PDE4D: variants seen among roughly 807,000 people sequenced by gnomAD.
PDE4D encodes the protein 3',5'-cyclic-AMP phosphodiesterase 4D.
In PDE4D, 24 loss-of-function variants were observed where a neutral mutation model predicts 87.4. The observed-to-expected ratio is 0.27, with a 90% confidence interval of 0.20 to 0.39. The LOEUF (loss-of-function observed/expected upper bound fraction) is 0.39. Among genes scored for constraint, PDE4D ranks in the 10% least tolerant of loss-of-function variants. The pLI is 1.00. For missense variants in PDE4D, 714 were observed against 1,041.0 expected, an observed-to-expected ratio of 0.69 and a Z score of 4.32; for synonymous variants, 384 against 383.2, an observed-to-expected ratio of 1.00 and a Z score of -0.02.
At chr5:59,766,954 TC>T in intron 1 of PDE4D, among the ~76,000 whole-genome samples, 1 of 152,220 alleles carries the variant, frequency 6.6e-6, no homozygotes, top group East Asian at 1.9e-4. Flanking sequence ...AATAACACTT[TC>T]CCAGTCAGAG....
At chr5:60,207,976 G>T (rs535962664) in intron 1 of PDE4D, among the ~76,000 whole-genome samples, 1 of 152,298 alleles carries the variant, frequency 6.6e-6, no homozygotes, top group East Asian at 1.9e-4. Context: ...AGAAATAAAT[G>T]TATCGGGCTT....
intron 1 of PDE4D, among the ~76,000 whole-genome samples, chr5:60,295,791 G>T (rs530887827): frequency 6.6e-6 from 1 of 152,304 alleles, no homozygotes; most frequent in South Asian, 2.1e-4. Context: ...GCTGCAGACT[G>T]ACTTGCTTGG....
At chr5:59,108,495 G>A (rs1228337576) in intron 5 of PDE4D, among the ~76,000 whole-genome samples, 1 of 152,110 alleles carries the variant, frequency 6.6e-6, no homozygotes, top group Non-Finnish European at 1.5e-5. Context: ...GTAATATTTG[G>A]TCATAGGGAA....
chr5:60,464,112 C>A (rs1254870231), intron 1 of PDE4D, among the ~76,000 whole-genome samples: 1 of 152,144 alleles, frequency 6.6e-6, no homozygotes, highest in African/African-American at 2.4e-5. Context: ...GGAGGTCCAA[C>A]CCTTCCAGAA....
chr5:59,551,892 T>G (rs781774561), intron 1 of PDE4D, among the ~76,000 whole-genome samples: 25 of 152,138 alleles, frequency 1.6e-4, no homozygotes, highest in Non-Finnish European at 3.2e-4. Flanking sequence ...ATAGGTGTAG[T>G]ATGTTTTTGT....
intron 1 of PDE4D, among the ~76,000 whole-genome samples, chr5:59,244,727 G>GTGTGT (rs1758497632): frequency 8.7e-6 from 1 of 114,856 alleles, no homozygotes; most frequent in Admixed American, 1.0e-4. Context: ...TGTGTGTATA[G>GTGTGT]AGAGACCGAC....
At chr5:60,088,477 A>T (rs1774771473) in intron 2 of PDE4D, among the ~76,000 whole-genome samples, 1 of 152,016 alleles carries the variant, frequency 6.6e-6, no homozygotes, top group Non-Finnish European at 1.5e-5. Flanking sequence ...AGAGTTAGGC[A>T]ATATAAAAAT....
At chr5:59,977,578 A>G (rs543085911) in intron 3 of PDE4D, among the ~76,000 whole-genome samples, 10 of 151,748 alleles carry the variant, frequency 6.6e-5, no homozygotes, top group African/African-American at 9.7e-5. Context: ...TAAAAGCTGG[A>G]AAAAAAAAGG....
intron 1 of PDE4D, among the ~76,000 whole-genome samples, chr5:60,252,686 A>G (rs1748609532): frequency 6.6e-6 from 1 of 151,872 alleles, no homozygotes; most frequent in African/African-American, 2.4e-5. Flanking sequence ...TTTTACTCCT[A>G]TGGAAAGAGT....
chr5:60,461,247 C>G (rs565996573), intron 1 of PDE4D, among the ~76,000 whole-genome samples: 48 of 152,248 alleles, frequency 3.2e-4, no homozygotes, highest in African/African-American at 1.1e-3. Context: ...AGGAAATACA[C>G]AGTTGGGGGG....
At chr5:59,300,935 T>G (rs190741736) in intron 1 of PDE4D, among the ~76,000 whole-genome samples, 18 of 152,304 alleles carry the variant, frequency 1.2e-4, no homozygotes, top group Admixed American at 8.5e-4. Context: ...CACTTACTTA[T>G]GTTTGCTAGT....
At chr5:60,278,647 T>C (rs1475227921) in intron 1 of PDE4D, among the ~76,000 whole-genome samples, 1 of 152,088 alleles carries the variant, frequency 6.6e-6, no homozygotes, top group African/African-American at 2.4e-5. Flanking sequence ...TCCATTTTAT[T>C]ATTTTTTTAT....
intron 1 of PDE4D, among the ~76,000 whole-genome samples, chr5:59,439,676 G>A (rs141466540): frequency 2.3e-4 from 35 of 152,282 alleles, no homozygotes; most frequent in African/African-American, 7.2e-4. Context: ...CTGATACAGA[G>A]GAAAATACAG....
intron 2 of PDE4D, among the ~76,000 whole-genome samples, chr5:60,113,027 T>A (rs1316882878): frequency 6.6e-6 from 1 of 152,088 alleles, no homozygotes; most frequent in Admixed American, 6.6e-5. Flanking sequence ...GAAGAGGATG[T>A]TCCATGGGCT....
intron 1 of PDE4D, among the ~76,000 whole-genome samples, chr5:59,410,395 C>T (rs904128156): frequency 1.3e-5 from 2 of 152,094 alleles, no homozygotes; most frequent in Non-Finnish European, 2.9e-5. Context: ...TACAGGCATG[C>T]ACCACCATGA....
intron 1 of PDE4D, among the ~76,000 whole-genome samples, chr5:59,292,215 T>C (rs1768175929): frequency 6.6e-6 from 1 of 152,146 alleles, no homozygotes; most frequent in Non-Finnish European, 1.5e-5. Context: ...AGTTACTCCC[T>C]GGCTGACTCT....
chr5:59,272,063 CA>C (rs1417228684), intron 1 of PDE4D, among the ~76,000 whole-genome samples: 1 of 151,818 alleles, frequency 6.6e-6, no homozygotes, highest in Non-Finnish European at 1.5e-5. Context: ...ATTACATATA[CA>C]ATAACCAATT....
At chr5:59,868,062 G>A (rs753050862) in intron 1 of PDE4D, among the ~76,000 whole-genome samples, 18 of 152,136 alleles carry the variant, frequency 1.2e-4, no homozygotes, top group Admixed American at 9.2e-4. Context: ...TATCTAAAAC[G>A]GTCAGGTTGC....
At chr5:59,921,261 CA>C (rs1232722167) in intron 3 of PDE4D, among the ~76,000 whole-genome samples, 3 of 151,722 alleles carry the variant, frequency 2.0e-5, no homozygotes, top group Non-Finnish European at 4.4e-5. Context: ...ATAATTTAGG[CA>C]AAAAATTAAT....
Sources: gnomAD v4.1 joint callset for allele counts (sites outside exome capture counted in the v4.1 genomes callset) on GRCh38, gnomAD v4.1.1 for gene constraint, MANE v1.5 for transcripts, NCBI Gene and HGNC (gene_info 2026-07-23, HGNC 2026-07-21) for gene names.